The following GRID1 variants were observed in gnomAD, a reference collection of about 807,000 sequenced individuals.
GRID1 encodes the protein glutamate ionotropic receptor delta type subunit 1.
GRID1 carries 28 observed loss-of-function variants against 98.0 expected under a neutral mutation model. The ratio of observed to expected loss-of-function variants is 0.29; its 90% confidence interval spans 0.21 to 0.39. GRID1 has a LOEUF of 0.39. Among genes scored for constraint, GRID1 ranks in the 10% least tolerant of loss-of-function variants. The pLI, the probability that GRID1 is intolerant of heterozygous loss-of-function variation, is 1.00. For synonymous variants in GRID1, 553 were observed against 538.5 expected (o/e 1.03, Z -0.37); for missense variants, 1,111 against 1,340.5 (o/e 0.83, Z 2.67).
chr10:86,136,797 A>G (rs1295691564), intron 4 of GRID1, among the ~76,000 whole-genome samples: 1 of 152,202 alleles, frequency 6.6e-6, no homozygotes, highest in Non-Finnish European at 1.5e-5. Context: ...TTAAGAGTCC[A>G]GCAAAAGAAA....
chr10:85,608,610 A>G (rs959271500), intron 15 of GRID1, among the ~76,000 whole-genome samples: 5 of 152,158 alleles, frequency 3.3e-5, no homozygotes, highest in African/African-American at 1.2e-4. Context: ...TCACCCCTTA[A>G]TAAGAGCTTC....
chr10:85,737,562 AGGATGGAG>A (rs1841895494), intron 8 of GRID1, among the ~76,000 whole-genome samples: 1 of 150,698 alleles, frequency 6.6e-6, no homozygotes, highest in African/African-American at 2.4e-5. Flanking sequence ...ATTAAGAGCA[AGGATGGAG>A]GCAGGCAGTT....
Position 85,916,470 on chromosome 10 carries a change from CA to C in GRID1, c.727-232del, listed in dbSNP as rs745377906. 6.6e-5 allele frequency among the ~76,000 whole-genome samples: 10 copies of C among 152,188 alleles called. No homozygotes were observed. Among genetic ancestry groups the C allele is most frequent in the Non-Finnish European group, 1.2e-4 (8 of 68,042 alleles). On this transcript the variant is annotated intron_variant, in intron 4 of 15. Transcript: ENST00000327946. This position sits in a 1 kb window ranked among gnomAD's most constrained non-coding sequence, Gnocchi z 4.0. The stretch of plus-strand genomic sequence containing the variant: ...CACGCACTCCTGCACCAGCCCAGAG[CA>C]AGATTAGACGCTTGGGTTCCTGCAG...
intron 5 of GRID1, among the ~76,000 whole-genome samples, chr10:85,878,276 A>C (rs1047922631): frequency 6.6e-6 from 1 of 152,070 alleles, no homozygotes; most frequent in Non-Finnish European, 1.5e-5. Flanking sequence ...AGAACGCCAC[A>C]AAGATACTCC....
intron 2 of GRID1, among the ~76,000 whole-genome samples, chr10:86,356,672 T>G (rs1339726183): frequency 6.6e-6 from 1 of 152,266 alleles, no homozygotes; most frequent in African/African-American, 2.4e-5. Context: ...CTGGGAGTTT[T>G]GGATTGTTTG....
At position 85,681,885 on chromosome 10, in the gene GRID1, A is replaced by G. The variant is rs548466334; in HGVS notation, c.1998-34488T>C. On this transcript the variant is annotated intron_variant, in intron 12 of 15. Transcript: ENST00000327946. ...GTGGATGCTCAACCAGAGTTGAACC[A>G]ATGCTGGGGTACCTCAGGCAATTCA... Among the ~76,000 whole-genome samples, 247 of 152,182 alleles carry G rather than the reference A, an allele frequency of 1.6e-3. 6 individuals are homozygous for G. The South Asian group carries it at 0.048, about 30-fold the overall frequency.
chr10:85,663,407 C>G (rs1339123687), intron 12 of GRID1, among the ~76,000 whole-genome samples: 1 of 152,186 alleles, frequency 6.6e-6, no homozygotes, highest in Non-Finnish European at 1.5e-5. Context: ...GAGGTGAGAA[C>G]AGATTCTCCC....
At chr10:85,716,622 TATAA>T (rs2132642950) in intron 12 of GRID1, among the ~76,000 whole-genome samples, 1 of 148,514 alleles carries the variant, frequency 6.7e-6, no homozygotes, top group African/African-American at 2.4e-5. Flanking sequence ...ATATAACGTA[TATAA>T]ATGTGATTAT....
chr10:85,640,463 T>A (rs1399712804), intron 13 of GRID1, among the ~76,000 whole-genome samples: 1 of 152,206 alleles, frequency 6.6e-6, no homozygotes, highest in African/African-American at 2.4e-5. Flanking sequence ...ACTCTCTTGA[T>A]CTTTGAATCT....
In GRID1 at chr10:85,746,236, G is replaced by C. The variant is rs183288419; in HGVS notation, c.1234-16622C>G. ...ACCTGACTTAGATGATAAGATCCTA[G>C]ACTTTGGGTCAATGGCCTAAATGGT... On this transcript the variant is annotated intron_variant, in intron 8 of 15. Transcript: ENST00000327946. Among the ~76,000 whole-genome samples the C allele has an allele frequency of 1.6e-3, 248 of 152,288 alleles. 1 individual carries two copies. The highest frequency in any genetic ancestry group is 3.5e-4 in the Non-Finnish European group (24 of 68,014).
intron 4 of GRID1, among the ~76,000 whole-genome samples, chr10:85,971,653 C>T (rs1329894503): frequency 2.0e-5 from 3 of 152,096 alleles, no homozygotes; most frequent in African/African-American, 7.2e-5. Flanking sequence ...AGACTCACTC[C>T]TGCCTTTGGA....
intron 2 of GRID1, among the ~76,000 whole-genome samples, chr10:86,334,138 C>T (rs1409493227): frequency 6.6e-6 from 1 of 152,122 alleles, no homozygotes; most frequent in Non-Finnish European, 1.5e-5. Context: ...ATCTGCTTGA[C>T]TAATGAATAG....
intron 2 of GRID1, among the ~76,000 whole-genome samples, chr10:86,272,788 A>G (rs1403654391): frequency 1.3e-5 from 2 of 152,202 alleles, no homozygotes; most frequent in Non-Finnish European, 2.9e-5. Context: ...ACCTATTTAT[A>G]CTGAGGAATT....
rs1294612137 is a variant in GRID1 at position 85,974,753 on chromosome 10, A to C, written c.727-58514T>G. ...GTTGAACGCTACCTAATGCTTCCCA[A>C]GTAGCTGGGACCACAGGCACGCACC... On this transcript the variant is annotated intron_variant, in intron 4 of 15. Coordinates refer to ENST00000327946, the MANE Select transcript of GRID1 (RefSeq NM_017551.3). Among the ~76,000 whole-genome samples, 4 of 152,168 alleles carry C rather than the reference A, an allele frequency of 2.6e-5. No homozygotes were observed. In the East Asian group the frequency reaches 7.7e-4, roughly 29 times the overall value.
At chr10:85,610,371 C>T (rs1301949900) in intron 15 of GRID1, among the ~76,000 whole-genome samples, 1 of 152,194 alleles carries the variant, frequency 6.6e-6, no homozygotes, top group Admixed American at 6.5e-5. Flanking sequence ...CTTCCCCAGC[C>T]TCCCCTGCCA....
chr10:85,876,234 G>A (rs757172629), intron 5 of GRID1, among the ~76,000 whole-genome samples: 6 of 152,086 alleles, frequency 3.9e-5, no homozygotes, highest in Non-Finnish European at 8.8e-5. Context: ...TCACTGGGCT[G>A]AAATCTCGGT....
chr10:85,880,973 C>A (rs1457949893), intron 5 of GRID1, among the ~76,000 whole-genome samples: 1 of 152,102 alleles, frequency 6.6e-6, no homozygotes, highest in African/African-American at 2.4e-5. Context: ...TTCTTATACA[C>A]CAATAACAGA....
intron 4 of GRID1, among the ~76,000 whole-genome samples, chr10:86,114,455 A>G (rs1844541704): frequency 1.3e-5 from 2 of 152,152 alleles, no homozygotes; most frequent in African/African-American, 4.8e-5. Context: ...TCCATCCCAC[A>G]GATAAGAAAC....
At chr10:86,215,336 G>C (rs571475250) in intron 2 of GRID1, among the ~76,000 whole-genome samples, 2 of 152,344 alleles carry the variant, frequency 1.3e-5, no homozygotes, top group African/African-American at 2.4e-5. Flanking sequence ...GGGTGGGGAA[G>C]AGCTGGCAGC....
Sources: gnomAD v4.1 joint callset for allele counts (sites outside exome capture counted in the v4.1 genomes callset) on GRCh38, gnomAD v4.1.1 for gene constraint, Gnocchi (gnomAD v3.1) non-coding constraint, MANE v1.5 for transcripts, NCBI Gene and HGNC (gene_info 2026-07-23, HGNC 2026-07-21) for gene names.